Variants in CCDC141 observed in about 807,000 individuals in gnomAD.
The protein encoded by CCDC141 is coiled-coil domain-containing protein 141.
Under a neutral mutation model 181.0 loss-of-function variants are expected in CCDC141, and 168 were observed. The observed-to-expected ratio is 0.93, with a 90% CI of 0.82 to 1.05. CCDC141 has a LOEUF of 1.05. CCDC141 is among the 50% of genes least tolerant of loss of function. The pLI, the probability that CCDC141 is intolerant of heterozygous loss-of-function variation, is 0.00. For synonymous variants in CCDC141, 666 were observed against 642.3 expected (o/e 1.04, Z -0.56); for missense variants, 1,902 against 1,788.5 (o/e 1.06, Z -1.14).
chr2:178,937,887 C>A (rs1001079132), intron 6 of CCDC141, among the ~76,000 whole-genome samples: 2 of 152,004 alleles, frequency 1.3e-5, no homozygotes, highest in African/African-American at 4.8e-5. Context: ...ATTTTTATTT[C>A]TATGGGGTCA....
intron 8 of CCDC141, among the ~76,000 whole-genome samples, chr2:178,890,889 A>G (rs1687116365): frequency 6.6e-6 from 1 of 151,076 alleles, no homozygotes; most frequent in Non-Finnish European, 1.5e-5. Flanking sequence ...CAGACATGCC[A>G]CTTTGTTAAG....
At chr2:178,867,762 A>G (rs1685915552) in intron 16 of CCDC141, among the ~76,000 whole-genome samples, 1 of 152,206 alleles carries the variant, frequency 6.6e-6, no homozygotes, top group East Asian at 1.9e-4. Flanking sequence ...GCCACACTGG[A>G]CTATACAGAT....
intron 6 of CCDC141, among the ~76,000 whole-genome samples, chr2:178,920,333 A>C (rs1197195131): frequency 2.0e-5 from 3 of 152,212 alleles, no homozygotes. Flanking sequence ...GCAATTTGCC[A>C]TTATTGTTTC....
In CCDC141 at chr2:178,981,959, G is replaced by T. The variant is rs533865385; in HGVS notation, c.226-3284C>A. ...TTACTAATATTGGAAATGAAAAAGG[G>T]TCCATAACTACTGATCCCATGGATA... On this transcript the variant is annotated intron_variant, in intron 2 of 23. Transcript: ENST00000443758. Among the ~76,000 whole-genome samples, 10 of 151,494 alleles carry T rather than the reference G, an allele frequency of 6.6e-5. No homozygotes were observed. In the East Asian group the frequency reaches 1.4e-3, roughly 21 times the overall value.
chr2:178,852,668 A>G (rs1685212725), intron 20 of CCDC141, among the ~76,000 whole-genome samples: 1 of 152,238 alleles, frequency 6.6e-6, no homozygotes, highest in African/African-American at 2.4e-5. Context: ...AGGCAAATTA[A>G]GCATTTTGTA....
intron 2 of CCDC141, among the ~76,000 whole-genome samples, chr2:178,980,590 T>C (rs1379613758): frequency 1.3e-5 from 2 of 152,156 alleles, no homozygotes; most frequent in South Asian, 4.1e-4. Context: ...TTTGAGATAT[T>C]TTTACGTGCC....
At position 178,967,989 on chromosome 2, in the gene CCDC141, A is replaced by G. The variant is rs775656551; in HGVS notation, c.527-6506T>C. Reference sequence around the variant, plus strand: ...CCAACAAAGATCAGAAGAGACAAAGAAGGGCATTACATAATGGTAAAGGGA... The same window carrying G: ...CCAACAAAGATCAGAAGAGACAAAGGAGGGCATTACATAATGGTAAAGGGA... On this transcript the variant is annotated intron_variant, in intron 4 of 23. Coordinates refer to ENST00000443758, the MANE Select transcript of CCDC141 (RefSeq NM_173648.4). Among the ~76,000 whole-genome samples the G allele has an allele frequency of 2.0e-5, 3 of 152,216 alleles. No individual in the cohort carries two copies. In the East Asian group the frequency reaches 5.8e-4, roughly 29 times the overall value.
chr2:178,878,300 T>TTTATTTTATTTA (rs11282658), intron 11 of CCDC141, among the ~76,000 whole-genome samples, 157 bp from the exon 12 acceptor site: 3 of 142,964 alleles, frequency 2.1e-5, no homozygotes, highest in South Asian at 2.2e-4. Context: ...TATTTATTTA[T>TTTATTTTATTTA]TTTATTTATT....
chr2:178,990,620 G>T (rs965043528), intron 2 of CCDC141, among the ~76,000 whole-genome samples: 3 of 149,590 alleles, frequency 2.0e-5, no homozygotes, highest in Non-Finnish European at 4.4e-5. Context: ...GAAGGGAAGG[G>T]AAGGGAATGG....
chr2:178,972,552 C>T (rs1480952450), intron 4 of CCDC141, among the ~76,000 whole-genome samples: 5 of 152,128 alleles, frequency 3.3e-5, no homozygotes, highest in Non-Finnish European at 7.3e-5. Context: ...AGGAAAATGG[C>T]CACGTACTCC....
intron 3 of CCDC141, among the ~76,000 whole-genome samples, chr2:178,976,141 T>G (rs1371640392): frequency 6.6e-6 from 1 of 152,214 alleles, no homozygotes; most frequent in Non-Finnish European, 1.5e-5. Context: ...TATTTGATTA[T>G]CCTGTCACAG....
At chr2:178,857,269 G>A (rs1209561268) in intron 17 of CCDC141, among the ~76,000 whole-genome samples, 1 of 152,172 alleles carries the variant, frequency 6.6e-6, no homozygotes, top group Non-Finnish European at 1.5e-5. Flanking sequence ...ATTTAGACCA[G>A]CCAGGACATT....
chr2:178,982,009 T>C (rs1052842577), intron 2 of CCDC141, among the ~76,000 whole-genome samples: 1 of 151,912 alleles, frequency 6.6e-6, no homozygotes, highest in African/African-American at 2.4e-5. Context: ...AGGAATACTA[T>C]AAATGGCTCT....
At chr2:178,934,702 A>T (rs1689219414) in intron 6 of CCDC141, among the ~76,000 whole-genome samples, 1 of 152,196 alleles carries the variant, frequency 6.6e-6, no homozygotes, top group South Asian at 2.1e-4. Context: ...GCATTTTCAA[A>T]GTTTACTTAG....
At chr2:178,972,533 G>A (rs1169989317) in intron 4 of CCDC141, among the ~76,000 whole-genome samples, 3 of 152,158 alleles carry the variant, frequency 2.0e-5, no homozygotes. Flanking sequence ...CTAAACTGCA[G>A]GCTTCCTGAG....
intron 2 of CCDC141, among the ~76,000 whole-genome samples, chr2:179,040,031 T>C (rs1307873367): frequency 6.6e-6 from 1 of 152,166 alleles, no homozygotes; most frequent in Non-Finnish European, 1.5e-5. Flanking sequence ...GCTGAGTGGC[T>C]GGATTGAAAG....
At chr2:179,042,173 C>T (rs2655160) in intron 2 of CCDC141, among the ~76,000 whole-genome samples, 1 of 152,102 alleles carries the variant, frequency 6.6e-6, no homozygotes, top group South Asian at 2.1e-4. Context: ...TGAAGTAAAA[C>T]ACTCCTCAGC....
At chr2:178,922,030 T>C (rs903776015) in intron 6 of CCDC141, among the ~76,000 whole-genome samples, 2 of 152,130 alleles carry the variant, frequency 1.3e-5, no homozygotes, top group Non-Finnish European at 2.9e-5. Context: ...ATGGAGAAGC[T>C]GGGGAGGGCC....
chr2:179,015,399 A>ATCTCTCATATATGTATCATATC (rs1463477488), intron 2 of CCDC141, among the ~76,000 whole-genome samples: 2 of 115,158 alleles, frequency 1.7e-5, no homozygotes, highest in African/African-American at 7.5e-5. Flanking sequence ...TGTATCATAT[A>ATCTCTCATATATGTATCATATC]TCTCATATAT....
Sources: gnomAD v4.1 joint callset for allele counts (sites outside exome capture counted in the v4.1 genomes callset) on GRCh38, gnomAD v4.1.1 for gene constraint, MANE v1.5 for transcripts, NCBI Gene and HGNC (gene_info 2026-07-23, HGNC 2026-07-21) for gene names.